Variants in STXBP5 observed in about 807,000 individuals in gnomAD.
The protein encoded by STXBP5 is syntaxin-binding protein 5.
A neutral mutation model predicts 152.4 loss-of-function variants in STXBP5; 50 were observed. The observed-to-expected ratio is 0.33, with a 90% CI of 0.26 to 0.42. STXBP5 has a LOEUF of 0.42. STXBP5 is among the 10% of genes least tolerant of loss of function. The pLI is 1.00. For synonymous variants in STXBP5, 492 were observed against 494.7 expected (o/e 0.99, Z 0.07); for missense variants, 1,167 against 1,388.6 (o/e 0.84, Z 2.54).
In STXBP5 at chr6:147,342,207, C is replaced by T. The variant is rs183679008; in HGVS notation, c.2254+2823C>T. ...ATTAAGTTCTGTGTTAGAGCCAGATCATGGATGCCATCTTGGTACCCATCA... is the reference window on the plus strand; with the variant it reads ...ATTAAGTTCTGTGTTAGAGCCAGATTATGGATGCCATCTTGGTACCCATCA... On this transcript the variant is annotated intron_variant, in intron 21 of 27. Transcript: ENST00000321680. Among the ~76,000 whole-genome samples, 167 of 152,272 alleles carry T rather than the reference C, an allele frequency of 1.1e-3. 2 individuals are homozygous for T. The highest frequency in any genetic ancestry group is 3.8e-3 in the African/African-American group (159 of 41,564).
intron 6 of STXBP5, among the ~76,000 whole-genome samples, chr6:147,266,136 C>T (rs1779880835): frequency 6.6e-6 from 1 of 152,054 alleles, no homozygotes; most frequent in Non-Finnish European, 1.5e-5. Context: ...TAAGAATATA[C>T]TGTAATGTAT....
intron 18 of STXBP5, 115 bp downstream of exon 18, chr6:147,327,391 A>G (rs1783319663): frequency 7.3e-6 from 9 of 1,240,856 alleles, no homozygotes; most frequent in African/African-American, 1.5e-5. Context: ...TAGTCTGTAT[A>G]TATAAACTGC....
At chr6:147,236,542 AACTAG>A (rs935270501) in intron 3 of STXBP5, among the ~76,000 whole-genome samples, 1 of 152,146 alleles carries the variant, frequency 6.6e-6, no homozygotes, top group African/African-American at 2.4e-5. Flanking sequence ...CAATACTATT[AACTAG>A]ACTATAGACC....
At chr6:147,252,474 A>T (rs1371019131) in intron 4 of STXBP5, among the ~76,000 whole-genome samples, 1 of 151,994 alleles carries the variant, frequency 6.6e-6, no homozygotes, top group African/African-American at 2.4e-5. Flanking sequence ...AGAAGAAAGG[A>T]TATCAGGGAT....
In STXBP5 at chr6:147,323,826, C is replaced by T. The variant is rs1006270101; in HGVS notation, c.1803-1133C>T. Among the ~76,000 whole-genome samples, 11 of 152,342 alleles carry T rather than the reference C, an allele frequency of 7.2e-5. No individual in the cohort carries two copies. In the East Asian group the frequency reaches 2.1e-3, roughly 29 times the overall value. On this transcript the variant is annotated intron_variant, in intron 16 of 27. Transcript: ENST00000321680. ...TACTCCCACTTTCTAGGTGAAAAGA[C>T]AGCTGGTGAGTAACAGAATCAGTAC... is the stretch of plus-strand genomic sequence containing the variant.
intron 8 of STXBP5, among the ~76,000 whole-genome samples, chr6:147,279,769 A>G (rs1226481320): frequency 6.6e-6 from 1 of 152,010 alleles, no homozygotes; most frequent in Admixed American, 6.6e-5. Context: ...TCATCTCGAC[A>G]CTCCTAAAAA....
chr6:147,278,424 A>G (rs1456614213), intron 8 of STXBP5, among the ~76,000 whole-genome samples: 1 of 152,228 alleles, frequency 6.6e-6, no homozygotes, highest in African/African-American at 2.4e-5. Flanking sequence ...TGCAAATTTG[A>G]AATTTTAGAA....
chr6:147,331,826 A>AACAC, intron 18 of STXBP5, among the ~76,000 whole-genome samples: 1 of 149,544 alleles, frequency 6.7e-6, no homozygotes, highest in East Asian at 2.0e-4. Context: ...AAAAAAAAAA[A>AACAC]ACACACAAAA....
At chr6:147,315,828 T>A in intron 15 of STXBP5, 93 bp downstream of exon 15, 2 of 1,178,668 alleles carry the variant, frequency 1.7e-6, no homozygotes, top group Non-Finnish European at 2.4e-6. Context: ...CAGTCAGTTT[T>A]GTGCAGAACT....
chr6:147,225,332 T>G (rs961464729), intron 2 of STXBP5, among the ~76,000 whole-genome samples: 6 of 152,184 alleles, frequency 3.9e-5, no homozygotes, highest in African/African-American at 1.4e-4. Context: ...TATTCTTATC[T>G]TTAAACTTTG....
intron 4 of STXBP5, among the ~76,000 whole-genome samples, chr6:147,243,555 G>C (rs561965858): frequency 2.6e-4 from 39 of 152,170 alleles, no homozygotes; most frequent in African/African-American, 8.7e-4. Flanking sequence ...CAGTGTCTTT[G>C]TAGAGCAGAT....
intron 25 of STXBP5, among the ~76,000 whole-genome samples, chr6:147,371,906 A>T (rs888159322): frequency 2.0e-5 from 3 of 152,138 alleles, no homozygotes; most frequent in Admixed American, 2.0e-4. Context: ...GATCTTTTTT[A>T]CGTTGTAACA....
chr6:147,310,307 G>A, intron 10 of STXBP5, 69 bp downstream of exon 10: 1 of 1,136,334 alleles, frequency 8.8e-7, no homozygotes, highest in Non-Finnish European at 1.1e-6. Flanking sequence ...AAAGACCTAG[G>A]TTGTTTAGAT....
At chr6:147,219,637 C>T (rs895082465) in intron 2 of STXBP5, among the ~76,000 whole-genome samples, 17 of 151,828 alleles carry the variant, frequency 1.1e-4, no homozygotes, top group Middle Eastern at 3.2e-3. Context: ...AGGAGTTGGT[C>T]GGTCCATTTC....
At chr6:147,325,919 TA>T (rs1218829849) in intron 17 of STXBP5, among the ~76,000 whole-genome samples, 1 of 152,246 alleles carries the variant, frequency 6.6e-6, no homozygotes, top group East Asian at 1.9e-4. Flanking sequence ...AAAAAATTTT[TA>T]AATACAATAT....
intron 26 of STXBP5, among the ~76,000 whole-genome samples, chr6:147,380,350 A>G (rs1182564381): frequency 2.6e-5 from 4 of 151,524 alleles, no homozygotes; most frequent in Non-Finnish European, 5.9e-5. Flanking sequence ...AAGCTTATAC[A>G]TTTATGGTCA....
intron 26 of STXBP5, among the ~76,000 whole-genome samples, chr6:147,377,063 AT>A (rs1457740066): frequency 1.3e-5 from 2 of 152,052 alleles, no homozygotes; most frequent in Non-Finnish European, 2.9e-5. Flanking sequence ...CAGTTTCTCA[AT>A]CATCATCATA....
intron 6 of STXBP5, among the ~76,000 whole-genome samples, chr6:147,262,776 C>T (rs747187383): frequency 7.3e-5 from 11 of 151,378 alleles, no homozygotes; most frequent in Non-Finnish European, 1.3e-4. Flanking sequence ...AATTTTTTGT[C>T]ATAAATAGTT....
Position 147,269,745 on chromosome 6 carries a change from A to C in STXBP5, c.714+2578A>C, listed in dbSNP as rs546242757. 3.3e-5 allele frequency among the ~76,000 whole-genome samples: 5 copies of C among 152,286 alleles called. No individual in the cohort carries two copies. The East Asian group carries it at 5.8e-4, about 18-fold the overall frequency. On this transcript the variant is annotated intron_variant, in intron 7 of 27. Transcript: ENST00000321680. ...ATACTCTGAACAGTACTGCCAAAGG[A>C]TTAATACGCTTCAGGAAATAGCAGT...
Sources: allele counts gnomAD v4.1 joint callset (sites outside exome capture counted in the v4.1 genomes callset), GRCh38; gene constraint gnomAD v4.1.1; transcripts MANE v1.5; gene names NCBI Gene and HGNC (gene_info 2026-07-23, HGNC 2026-07-21).